SLC35F4: variants seen among roughly 807,000 people sequenced by gnomAD.
SLC35F4 encodes chromosome 14 open reading frame 36.
SLC35F4 carries 24 observed loss-of-function variants against 44.2 expected under a neutral mutation model. The observed-to-expected ratio is 0.54, with a 90% confidence interval of 0.39 to 0.76. The LOEUF (loss-of-function observed/expected upper bound fraction) is 0.76. Among genes scored for constraint, SLC35F4 ranks in the 30% least tolerant of loss-of-function variants. SLC35F4 has a pLI of 0.00. For synonymous variants in SLC35F4, 238 were observed against 223.6 expected (o/e 1.06, Z -0.57); for missense variants, 562 against 586.1 (o/e 0.96, Z 0.42).
chr14:57,578,745 GCTAT>G (rs1044183882), intron 4 of SLC35F4: 67 of 152,202 alleles, frequency 4.4e-4, no homozygotes, highest in African/African-American at 1.6e-3. Context: ...TTACTATTCT[GCTAT>G]CTATGATGTC....
chr14:57,598,728 C>A (rs2139961382), intron 1 of SLC35F4, among the ~76,000 whole-genome samples: 1 of 152,320 alleles, frequency 6.6e-6, no homozygotes, highest in South Asian at 2.1e-4. Context: ...AACAAAACAA[C>A]TGGCTTTACT....
chr14:57,797,004 A>G (rs1218897757), intron 1 of SLC35F4, among the ~76,000 whole-genome samples: 5 of 152,258 alleles, frequency 3.3e-5, no homozygotes, highest in African/African-American at 7.2e-5. Flanking sequence ...CACATGCACA[A>G]ATCAGCTAAA....
At position 57,765,973 on chromosome 14, in the gene SLC35F4, G is replaced by T. The variant is rs574032738; in HGVS notation, c.103+99750C>A. Among the ~76,000 whole-genome samples the T allele has an allele frequency of 1.6e-4, 24 of 152,320 alleles. No individual in the cohort carries two copies. In the South Asian group the frequency reaches 4.8e-3, roughly 30 times the overall value. On this transcript the variant is annotated intron_variant, in intron 1 of 7. Transcript: ENST00000556826. ...ACGTATTAAGTGAGGAGAGGTATCA[G>T]TAAGAGGCCACCGGAGCCACTGTAA...
chr14:57,687,493 C>T (rs1012952864), intron 1 of SLC35F4, among the ~76,000 whole-genome samples: 2 of 152,170 alleles, frequency 1.3e-5, no homozygotes, highest in African/African-American at 2.4e-5. Flanking sequence ...TCACTCTGAA[C>T]ATTTTTCTCA....
rs143066824 is a variant in SLC35F4 at position 57,638,151 on chromosome 14, G to A, written c.104-44027C>T. Among the ~76,000 whole-genome samples, 1,070 of 152,216 alleles carry A rather than the reference G, an allele frequency of 7.0e-3. 10 individuals carry two copies. The highest frequency in any genetic ancestry group is 0.024 in the African/African-American group (1,001 of 41,542). ...GGTAAGCGATATTGAAACAATTGCA[G>A]CTCATCCACTAGCAGACTCTGAGTA... On this transcript the variant is annotated intron_variant, in intron 1 of 7. Coordinates refer to ENST00000556826, the MANE Select transcript of SLC35F4 (RefSeq NM_001306087.2).
intron 1 of SLC35F4, among the ~76,000 whole-genome samples, chr14:57,832,356 A>G (rs988529281): frequency 6.6e-6 from 1 of 152,190 alleles, no homozygotes; most frequent in African/African-American, 2.4e-5. Context: ...AGACCCTAAG[A>G]CTTTAAGTAG....
At chr14:57,803,873 A>G (rs531475941) in intron 1 of SLC35F4, among the ~76,000 whole-genome samples, 16 of 152,114 alleles carry the variant, frequency 1.1e-4, no homozygotes, top group Non-Finnish European at 1.6e-4. Context: ...TACAGACGTG[A>G]GCCACCCAGT....
intron 1 of SLC35F4, chr14:57,631,263 A>C (rs1384313805): frequency 1.3e-5 from 2 of 152,092 alleles, no homozygotes; most frequent in African/African-American, 4.8e-5. Context: ...TTTCAGGGAG[A>C]CTGAGTTTTT....
At chr14:57,979,239 A>T (rs1377974896) in intron 1 of SLC35F4, among the ~76,000 whole-genome samples, 1 of 152,202 alleles carries the variant, frequency 6.6e-6, no homozygotes, top group East Asian at 1.9e-4. Flanking sequence ...GCAGCAGCAG[A>T]GATCACAGCT....
chr14:57,654,405 CT>C (rs1309717333), intron 1 of SLC35F4, among the ~76,000 whole-genome samples: 1 of 152,170 alleles, frequency 6.6e-6, no homozygotes, highest in Non-Finnish European at 1.5e-5. Flanking sequence ...ATCCAGGTTG[CT>C]GCAAAAGACA....
At chr14:57,867,797 C>CCAT (rs1436005585), upstream of SLC35F4, among the ~76,000 whole-genome samples, 1 of 151,824 alleles carries the variant, frequency 6.6e-6, no homozygotes, top group Non-Finnish European at 1.5e-5. Flanking sequence ...TTGATAATAG[C>CCAT]CATCATAATC....
At chr14:57,773,267 A>G (rs952763957) in intron 1 of SLC35F4, among the ~76,000 whole-genome samples, 1 of 152,186 alleles carries the variant, frequency 6.6e-6, no homozygotes, top group African/African-American at 2.4e-5. Flanking sequence ...TTGCAAATGC[A>G]CTGACTAGTT....
chr14:57,696,171 C>G lies in SLC35F4; in HGVS notation c.104-102047G>C, dbSNP rs548385889. ...CCTACAGAATGGGAGAAAATTTTTG[C>G]AATCTATCCTTCTGACAAAGGGCTA... On this transcript the variant is annotated intron_variant, in intron 1 of 7. Transcript: ENST00000556826. 2.3e-3 allele frequency among the ~76,000 whole-genome samples: 354 copies of G among 152,242 alleles called. 1 individual carries two copies. The highest frequency in any genetic ancestry group is 7.5e-3 in the African/African-American group (312 of 41,550).
chr14:57,662,291 G>T (rs1204608815), intron 1 of SLC35F4, among the ~76,000 whole-genome samples: 1 of 152,174 alleles, frequency 6.6e-6, no homozygotes, highest in Admixed American at 6.5e-5. Flanking sequence ...CCTGGAAAAT[G>T]CTGTGATTAG....
intron 1 of SLC35F4, among the ~76,000 whole-genome samples, chr14:57,784,514 T>C (rs7151664): frequency 0.089 from 13,554 of 152,060 alleles, 680 homozygotes; most frequent in Middle Eastern, 0.15. Flanking sequence ...TAAGATCCTG[T>C]CTCTATAAAA....
chr14:57,922,432 A>T (rs1889460784), intron 1 of SLC35F4, among the ~76,000 whole-genome samples: 1 of 152,212 alleles, frequency 6.6e-6, no homozygotes, highest in Non-Finnish European at 1.5e-5. Context: ...ACCCCATACA[A>T]CTACTACTAA....
chr14:57,667,128 C>T (rs1340134885), intron 1 of SLC35F4, among the ~76,000 whole-genome samples: 1 of 151,576 alleles, frequency 6.6e-6, no homozygotes, highest in African/African-American at 2.4e-5. Flanking sequence ...ATTAAAATCA[C>T]CACTACTATA....
At chr14:57,701,799 T>C (rs939341352) in intron 1 of SLC35F4, among the ~76,000 whole-genome samples, 1 of 152,208 alleles carries the variant, frequency 6.6e-6, no homozygotes, top group African/African-American at 2.4e-5. Flanking sequence ...CAACCTACTA[T>C]AATAAAAGTT....
At chr14:57,601,721 A>G (rs1698661799) in intron 1 of SLC35F4, among the ~76,000 whole-genome samples, 1 of 152,206 alleles carries the variant, frequency 6.6e-6, no homozygotes, top group Admixed American at 6.5e-5. Context: ...CTTGTAATCA[A>G]CTTTGAAATC....
Sources: allele counts gnomAD v4.1 joint callset (sites outside exome capture counted in the v4.1 genomes callset), GRCh38; gene constraint gnomAD v4.1.1; transcripts MANE v1.5; gene names NCBI Gene and HGNC (gene_info 2026-07-23, HGNC 2026-07-21).